Variants in GEMIN5 observed in about 807,000 individuals in gnomAD.
GEMIN5 encodes the protein gem-associated protein 5.
GEMIN5 carries 124 observed loss-of-function variants against 176.9 expected under a neutral mutation model. That is an observed-to-expected ratio of 0.70 (90% confidence interval 0.61 to 0.81). GEMIN5 has a LOEUF of 0.81. GEMIN5 is among the 40% of genes least tolerant of loss of function. The pLI is 0.00. For missense variants in GEMIN5, 1,843 were observed against 1,814.6 expected (o/e 1.02, Z -0.28); for synonymous variants, 673 against 665.2 (o/e 1.01, Z -0.18).
chr5:154,902,795 G>T (rs1763491865), intron 19 of GEMIN5, 119 bp from the exon 20 acceptor site: 1 of 1,015,506 alleles, frequency 9.8e-7, no homozygotes, highest in Admixed American at 2.1e-5. Flanking sequence ...GTCATTCTCT[G>T]ATGGGTGTCA....
At position 154,896,119 on chromosome 5, in the gene GEMIN5, A is replaced by G. The variant is rs1561710012; in HGVS notation, c.3570T>C (p.Ser1190=). The G allele has an allele frequency of 6.2e-7, 1 of 1,613,832 alleles. No individual in the cohort carries two copies. The highest frequency in any genetic ancestry group is 2.2e-5 in the East Asian group (1 of 44,872). ...GTTTGGCAGGTGTGTTATTTGTAGC[A>G]GATGGGTACTTGATGTTCTGCAGCT... The part of the protein sequence containing the change: ...FQKLQNIKYP[S]ATNNTPAKQL... Residue 1190 remains serine (S), a synonymous_variant, in exon 24 of 28, where the codon TCT becomes TCC. Coordinates refer to ENST00000285873, the MANE Select transcript of GEMIN5 (RefSeq NM_015465.5).
Position 154,889,327 on chromosome 5 carries a change from G to A in GEMIN5, c.4353C>T (p.Ser1451=), listed in dbSNP as rs1763177184. 1.3e-6 allele frequency: 2 copies of A among 1,549,640 alleles called. No individual in the cohort carries two copies. Among genetic ancestry groups the A allele is most frequent in the Admixed American group, 3.3e-5 (2 of 59,930 alleles). ...GAACTGCTTTAACTCTTACCTTAAT[G>A]CTCTCAGGAAATTTCGCCATTCTCT... The part of the protein sequence containing the change: ...ANQRMAKFPE[S]IKAWPFPDVL... The change falls in exon 27 of 28, where the codon AGC becomes AGT. Residue 1451 remains serine (S), a synonymous_variant. Transcript: ENST00000285873.
At chr5:154,930,079 T>TCCTGACTCATTCCGATTACCTGCTCCAC (rs1396688667) in intron 5 of GEMIN5, among the ~76,000 whole-genome samples, 1 of 152,060 alleles carries the variant, frequency 6.6e-6, no homozygotes, top group East Asian at 1.9e-4. Context: ...ACCTGCTCCA[T>TCCTGACTCATTCCGATTACCTGCTCCAC]CCTGACTCAT....
intron 18 of GEMIN5, 44 bp from the exon 19 acceptor site, chr5:154,903,219 T>C (rs569298678): frequency 1.1e-5 from 13 of 1,229,966 alleles, no homozygotes; most frequent in Middle Eastern, 1.9e-4. Context: ...AGTCATTACA[T>C]TGATTACAGT....
intron 15 of GEMIN5, among the ~76,000 whole-genome samples, chr5:154,910,534 C>G (rs1304803548): frequency 6.6e-6 from 1 of 152,134 alleles, no homozygotes; most frequent in African/African-American, 2.4e-5. Flanking sequence ...AAACTCCTGG[C>G]CTCAAGTGAT....
chr5:154,900,310 A>G (rs1486176600), intron 21 of GEMIN5, among the ~76,000 whole-genome samples: 1 of 152,208 alleles, frequency 6.6e-6, no homozygotes, highest in Admixed American at 6.5e-5. Context: ...TGTAGCTGGG[A>G]AAAAAGTGTT....
Position 154,888,253 on chromosome 5 carries a change from T to C in GEMIN5, c.4484A>G (p.Asn1495Ser). 6.2e-7 allele frequency: 1 copy of C among 1,614,210 alleles called. No individual in the cohort carries two copies. The highest frequency in any genetic ancestry group is 1.6e-4 in the Middle Eastern group (1 of 6,062). ...GCAGTGTCTTCTGTAAGTTTTCGTG[T>C]TGCCGTATTTCTGAAGGAGCTCTTG... is the stretch of plus-strand genomic sequence containing the variant. The part of the protein sequence containing the change: ...QAQELLQKYG[N>S]TKTYRRHCQT... Residue 1495 changes from asparagine (N) to serine (S), a missense_variant, in exon 28 of 28, where the codon AAC (asparagine) becomes AGC (serine). Coordinates refer to ENST00000285873, the MANE Select transcript of GEMIN5 (RefSeq NM_015465.5).
chr5:154,933,069 T>C (rs1764199704), intron 3 of GEMIN5, among the ~76,000 whole-genome samples: 1 of 152,176 alleles, frequency 6.6e-6, no homozygotes, highest in Non-Finnish European at 1.5e-5. Context: ...TGACTTCAGA[T>C]ACATAAAAAA....
rs74408508 is a variant in GEMIN5 at position 154,910,343 on chromosome 5, G to A, written c.2167+1384C>T. Among the ~76,000 whole-genome samples the A allele has an allele frequency of 1.4e-3, 214 of 152,156 alleles. 1 individual carries two copies. The highest frequency in any genetic ancestry group is 4.8e-3 in the African/African-American group (201 of 41,508). ...AAAAAACTTATTTCACAGAGACAGT[G>A]TCCCCCTATGTTGTCCAGGTTAGTC... On this transcript the variant is annotated intron_variant, in intron 15 of 27. Transcript: ENST00000285873.
rs1007428736 is a variant in GEMIN5, at chr5:154,915,788, G to A, written c.1855+1210C>T. On this transcript the variant is annotated intron_variant, in intron 13 of 27. Coordinates refer to ENST00000285873, the MANE Select transcript of GEMIN5 (RefSeq NM_015465.5). The stretch of plus-strand genomic sequence containing the variant: ...TGTGTAACACTCAAAAACTGCTGGC[G>A]GAAGTATTAAATGGCATAATGTTTT... 6.6e-5 allele frequency among the ~76,000 whole-genome samples: 10 copies of A among 152,078 alleles called. 1 individual carries two copies. Among genetic ancestry groups the A allele is most frequent in the Non-Finnish European group, 1.0e-4 (7 of 68,030 alleles).
chr5:154,901,239 G>A (rs1763455080), intron 21 of GEMIN5, 100 bp downstream of exon 21: 5 of 1,109,160 alleles, frequency 4.5e-6, no homozygotes, highest in Non-Finnish European at 6.6e-6. Context: ...GCTGAAGCAG[G>A]AGGACTGTTT....
intron 14 of GEMIN5, among the ~76,000 whole-genome samples, chr5:154,912,103 T>C (rs1009707938): frequency 7.2e-5 from 11 of 152,322 alleles, no homozygotes; most frequent in Non-Finnish European, 1.0e-4. Context: ...TGGAGATGCA[T>C]AGACATTTCT....
intron 12 of GEMIN5, among the ~76,000 whole-genome samples, 165 bp from the exon 13 acceptor site, chr5:154,917,344 A>G (rs1189001346): frequency 6.6e-6 from 1 of 152,204 alleles, no homozygotes; most frequent in African/African-American, 2.4e-5. Context: ...TCAAGTATAA[A>G]AAGTTATTCT....
chr5:154,891,650 G>C lies in GEMIN5; in HGVS notation c.3853C>G (p.Leu1285Val). 6.2e-7 allele frequency: 1 copy of C among 1,613,982 alleles called. No homozygotes were observed. Among genetic ancestry groups the C allele is most frequent in the Non-Finnish European group, 8.5e-7 (1 of 1,179,992 alleles). The change falls in exon 26 of 28, where the codon CTG becomes GTG. Residue 1285 changes from leucine (L) to valine (V), a missense_variant. Coordinates refer to ENST00000285873, the MANE Select transcript of GEMIN5 (RefSeq NM_015465.5). Reference sequence around the variant, plus strand: ...GAGAGAGACCACCAGAATTCATACAGACGCCCATAAAGAAAAAAGGCCTCC... The same window carrying C: ...GAGAGAGACCACCAGAATTCATACACACGCCCATAAAGAAAAAAGGCCTCC... The part of the protein sequence containing the change: ...SLEAFFLYGR[L>V]YEFWWSLSRP...
Position 154,905,426 on chromosome 5 carries a change from A to G in GEMIN5, c.2446T>C (p.Ser816Pro). Reference protein sequence around the residue: ...CTPVSSGFEKSKVTINNKVIL... With the variant: ...CTPVSSGFEKPKVTINNKVIL... ...ACTTTGTTATTAATGGTGACTTTTG[A>G]CTTTTCAAAGCCTGAGGAAACTGGA... The change falls in exon 17 of 28, where the codon TCA (serine) becomes CCA (proline). Residue 816 changes from serine to proline, a missense_variant. Transcript: ENST00000285873. 6.2e-7 allele frequency: 1 copy of G among 1,610,284 alleles called. No individual in the cohort carries two copies. Among genetic ancestry groups the G allele is most frequent in the Non-Finnish European group, 8.5e-7 (1 of 1,177,764 alleles).
At chr5:154,910,145 C>T (rs1178411436) in intron 15 of GEMIN5, among the ~76,000 whole-genome samples, 1 of 151,866 alleles carries the variant, frequency 6.6e-6, no homozygotes, top group Non-Finnish European at 1.5e-5. Context: ...TAAGGATATA[C>T]CACAATTAAT....
chr5:154,894,668 A>G (rs1582649939), intron 24 of GEMIN5, among the ~76,000 whole-genome samples: 1 of 152,100 alleles, frequency 6.6e-6, no homozygotes, highest in East Asian at 1.9e-4. Flanking sequence ...GCACTTTGGG[A>G]GGCCGAAGTG....
At chr5:154,898,775 C>G (rs1399082758) in intron 22 of GEMIN5, 125 bp from the exon 23 acceptor site, 8 of 775,406 alleles carry the variant, frequency 1.0e-5, no homozygotes, top group Non-Finnish European at 1.7e-5. Flanking sequence ...CCAGGTATGT[C>G]ACTGCCCCGG....
chr5:154,888,837 T>G (rs1429711071), intron 27 of GEMIN5, among the ~76,000 whole-genome samples: 1 of 144,034 alleles, frequency 6.9e-6, no homozygotes, highest in Non-Finnish European at 1.5e-5. Context: ...CCAAAGTAAT[T>G]GGATTCTAAA....
Sources: allele counts gnomAD v4.1 joint callset (sites outside exome capture counted in the v4.1 genomes callset), GRCh38; gene constraint gnomAD v4.1.1; transcripts MANE v1.5; gene names NCBI Gene and HGNC (gene_info 2026-07-23, HGNC 2026-07-21).